The following OPCML variants were observed in gnomAD, a reference collection of about 807,000 sequenced individuals.
OPCML encodes opioid-binding protein/cell adhesion molecule.
In OPCML, 13 loss-of-function variants were observed where a neutral mutation model predicts 37.8. The ratio of observed to expected loss-of-function variants is 0.34; its 90% confidence interval spans 0.22 to 0.55. The LOEUF is 0.55. Ranked by LOEUF, OPCML falls within the 20% of genes least tolerant of loss-of-function variation. The pLI, the probability that OPCML is intolerant of heterozygous loss-of-function variation, is 0.91. For missense variants in OPCML, 341 were observed against 435.6 expected (o/e 0.78, Z 1.93); for synonymous variants, 176 against 168.8 (o/e 1.04, Z -0.33).
intron 1 of OPCML, among the ~76,000 whole-genome samples, chr11:133,158,764 T>G (rs1305122285): frequency 4.1e-5 from 5 of 122,338 alleles, no homozygotes; most frequent in East Asian, 2.2e-4. Context: ...AAATGAAAAT[T>G]AAAAAAAATT....
chr11:132,693,616 G>A (rs978897918), intron 2 of OPCML, among the ~76,000 whole-genome samples: 1 of 152,212 alleles, frequency 6.6e-6, no homozygotes, highest in African/African-American at 2.4e-5. Context: ...CTTGCCAAAT[G>A]AGAAATCTGT....
chr11:133,026,175 T>C (rs953487609), intron 1 of OPCML: 1 of 814,712 alleles, frequency 1.2e-6, no homozygotes, highest in Admixed American at 6.2e-5. Context: ...TTAATAGCCT[T>C]AATCACGATG....
intron 1 of OPCML, among the ~76,000 whole-genome samples, chr11:133,060,503 C>T (rs1472207204): frequency 6.6e-6 from 1 of 152,212 alleles, no homozygotes; most frequent in African/African-American, 2.4e-5. Context: ...CTGTCTGTCC[C>T]ACGCTCAGGA....
intron 4 of OPCML, among the ~76,000 whole-genome samples, chr11:132,486,046 GT>G (rs1428377681): frequency 2.6e-5 from 4 of 152,140 alleles, no homozygotes; most frequent in African/African-American, 9.7e-5. Context: ...CTGCCTCTTT[GT>G]CAACACTTAG....
At chr11:133,302,725 T>C (rs1317348136) in intron 1 of OPCML, 1 of 152,210 alleles carries the variant, frequency 6.6e-6, no homozygotes, top group Non-Finnish European at 1.5e-5. Flanking sequence ...AAACCTCATA[T>C]ATCTTAGAAC....
chr11:133,079,905 T>C (rs1262517169), intron 1 of OPCML, among the ~76,000 whole-genome samples: 1 of 152,202 alleles, frequency 6.6e-6, no homozygotes, highest in East Asian at 1.9e-4. Context: ...GGATGGAAGA[T>C]AGGCATCACT....
chr11:132,623,632 T>C (rs572178248), intron 3 of OPCML, among the ~76,000 whole-genome samples: 1 of 152,270 alleles, frequency 6.6e-6, no homozygotes, highest in South Asian at 2.1e-4. Context: ...GTATCATATA[T>C]CATCCGACAT....
intron 1 of OPCML, among the ~76,000 whole-genome samples, chr11:133,196,240 C>T (rs183344016): frequency 1.6e-4 from 25 of 152,292 alleles, no homozygotes; most frequent in Admixed American, 1.5e-3. Flanking sequence ...ATCGATTCTG[C>T]CCCTGAGCCT....
chr11:132,424,151 G>C (rs1010412828), intron 7 of OPCML, among the ~76,000 whole-genome samples: 3 of 149,938 alleles, frequency 2.0e-5, no homozygotes, highest in African/African-American at 7.4e-5. Context: ...ATGGAGTCTC[G>C]CTCTGTCGCC....
chr11:132,450,763 A>G (rs1037662193), intron 4 of OPCML, among the ~76,000 whole-genome samples: 3 of 152,174 alleles, frequency 2.0e-5, no homozygotes, highest in African/African-American at 7.2e-5. Flanking sequence ...CTCACCATTG[A>G]GGAAGTAACA....
At chr11:132,685,238 G>C (rs977987712) in intron 2 of OPCML, among the ~76,000 whole-genome samples, 1 of 152,150 alleles carries the variant, frequency 6.6e-6, no homozygotes, top group Non-Finnish European at 1.5e-5. Context: ...GTGGTCATTG[G>C]AATAGCTTTT....
At chr11:132,733,339 A>G (rs940782534) in intron 2 of OPCML, among the ~76,000 whole-genome samples, 2 of 152,132 alleles carry the variant, frequency 1.3e-5, no homozygotes, top group African/African-American at 4.8e-5. Flanking sequence ...CCCATAGTAG[A>G]TGAGCAAAAG....
At chr11:133,054,612 G>A (rs1948189119) in intron 1 of OPCML, among the ~76,000 whole-genome samples, 1 of 152,170 alleles carries the variant, frequency 6.6e-6, no homozygotes, top group African/African-American at 2.4e-5. Context: ...ACACTTACAG[G>A]AATTTAAAAT....
chr11:132,753,841 G>T (rs1945932246), intron 2 of OPCML, among the ~76,000 whole-genome samples: 1 of 152,176 alleles, frequency 6.6e-6, no homozygotes, highest in South Asian at 2.1e-4. Context: ...GGGGGAAAAT[G>T]ATCCTTTAGC....
chr11:132,874,169 A>G (rs1942921091), intron 2 of OPCML, among the ~76,000 whole-genome samples: 1 of 152,078 alleles, frequency 6.6e-6, no homozygotes, highest in Non-Finnish European at 1.5e-5. Context: ...TCCCCATGAC[A>G]TTTTGTCAAT....
chr11:133,197,965 G>A (rs531841386), intron 1 of OPCML, among the ~76,000 whole-genome samples: 24 of 152,246 alleles, frequency 1.6e-4, no homozygotes, highest in Non-Finnish European at 2.8e-4. Context: ...CTGCACAACC[G>A]CCAGGCCTAC....
intron 3 of OPCML, among the ~76,000 whole-genome samples, chr11:132,534,193 A>G (rs553090177): frequency 6.6e-6 from 1 of 152,174 alleles, no homozygotes; most frequent in Admixed American, 6.5e-5. Context: ...AGTCTTTGCT[A>G]ATGACCCCAG....
intron 1 of OPCML, among the ~76,000 whole-genome samples, chr11:133,406,871 C>T (rs921207848): frequency 6.6e-6 from 1 of 152,132 alleles, no homozygotes; most frequent in Admixed American, 6.5e-5. Flanking sequence ...AAACCTTAAT[C>T]GCAATTACAG....
At chr11:132,960,266 C>G (rs966337256) in intron 1 of OPCML, among the ~76,000 whole-genome samples, 2 of 152,156 alleles carry the variant, frequency 1.3e-5, no homozygotes, top group African/African-American at 2.4e-5. Context: ...ATTAGAATAT[C>G]AAGAGTCAAG....
Sources: allele counts gnomAD v4.1 joint callset (sites outside exome capture counted in the v4.1 genomes callset), GRCh38; gene constraint gnomAD v4.1.1; transcripts MANE v1.5; gene names NCBI Gene and HGNC (gene_info 2026-07-23, HGNC 2026-07-21).